The following KLHDC10 variants were observed in gnomAD, a reference collection of about 807,000 sequenced individuals.
KLHDC10 encodes the protein kelch domain-containing protein 10.
In KLHDC10, 24 loss-of-function variants were observed where a neutral mutation model predicts 56.1. The ratio of observed to expected loss-of-function variants is 0.43; its 90% CI spans 0.31 to 0.60. The LOEUF is 0.60. KLHDC10 is among the 20% of genes least tolerant of loss of function. The probability of loss-of-function intolerance (pLI) is 0.11; values close to 1 mark genes in which losing one functional copy is unlikely to be tolerated. For missense variants in KLHDC10, 349 were observed against 567.0 expected, an observed-to-expected ratio of 0.62 and a Z score of 3.91; for synonymous variants, 188 against 207.1, an observed-to-expected ratio of 0.91 and a Z score of 0.79.
chr7:130,101,015 A>C (rs12539493), intron 2 of KLHDC10, among the ~76,000 whole-genome samples: 101 of 144,660 alleles, frequency 7.0e-4, no homozygotes, highest in Middle Eastern at 3.5e-3. Flanking sequence ...AAAAAACAAA[A>C]AAAACAGAAA....
rs543217315 is a variant in KLHDC10 at position 130,131,616 on chromosome 7, T to G, written c.*870T>G. On this transcript the variant is annotated 3_prime_UTR_variant, in exon 10 of 10. Coordinates refer to ENST00000335420, the MANE Select transcript of KLHDC10 (RefSeq NM_014997.4). ...ATCTCTTTGACTTCTTCATGGGGAA[T>G]TGTAGACCCTAAGTATGTGGTGTAA... The G allele has an allele frequency of 6.6e-6, 1 of 152,348 alleles. No individual in the cohort carries two copies. The highest frequency in any genetic ancestry group is 2.1e-4 in the South Asian group (1 of 4,826). The allele number at this position is 152,348 out of a possible 1,614,324, so 9.4% of individuals were successfully genotyped here.
intron 1 of KLHDC10, among the ~76,000 whole-genome samples, chr7:130,077,980 A>C: frequency 6.6e-6 from 1 of 152,292 alleles, no homozygotes; most frequent in Middle Eastern, 3.4e-3. Flanking sequence ...ATAGTTTCCC[A>C]GTTGTTTTTC....
At position 130,122,094 on chromosome 7, in the gene KLHDC10, G is replaced by A; in HGVS notation, c.671G>A (p.Gly224Asp). Residue 224 changes from glycine to aspartate, a missense_variant, in exon 5 of 10, where the codon GGT becomes GAT. Gly to Asp is a moderately conservative substitution (Grantham distance 94, BLOSUM62 -1). Transcript: ENST00000335420. Reference protein sequence around the residue: ...IINGSLYVFGGTTGYIYSTDL... With the variant: ...IINGSLYVFGDTTGYIYSTDL... Reference sequence around the variant, plus strand: ...AATGGCTCCCTTTATGTCTTTGGAGGTACAACCGGCTATATTTACAGCACA... The same window carrying A: ...AATGGCTCCCTTTATGTCTTTGGAGATACAACCGGCTATATTTACAGCACA... The A allele has an allele frequency of 6.2e-7, 1 of 1,613,828 alleles. No individual in the cohort carries two copies. Among genetic ancestry groups the A allele is most frequent in the Non-Finnish European group, 8.5e-7 (1 of 1,179,884 alleles).
In KLHDC10 at chr7:130,135,145, T is replaced by C. The variant is rs2116934840; in HGVS notation, c.*4399T>C. On this transcript the variant is annotated 3_prime_UTR_variant, in exon 10 of 10. Coordinates refer to ENST00000335420, the MANE Select transcript of KLHDC10 (RefSeq NM_014997.4). ...TTATAAGTTTTTTAAGGGCCCTGCT[T>C]AGTCAGTGTACAGGGTGGAGTCAGA... The C allele has an allele frequency of 6.6e-6, 1 of 150,404 alleles. No homozygotes were observed. Among genetic ancestry groups the C allele is most frequent in the East Asian group, 1.9e-4 (1 of 5,154 alleles). 9.3% of individuals were successfully genotyped at this position (150,404 alleles called of 1,614,324 possible).
At chr7:130,123,612 CA>C (rs1241557900) in intron 5 of KLHDC10, among the ~76,000 whole-genome samples, 1 of 151,868 alleles carries the variant, frequency 6.6e-6, no homozygotes, top group Non-Finnish European at 1.5e-5. Flanking sequence ...CCTCTTTAAA[CA>C]AAATAGCATA....
chr7:130,087,587 C>G (rs994919873), intron 1 of KLHDC10, among the ~76,000 whole-genome samples: 1 of 151,964 alleles, frequency 6.6e-6, no homozygotes, highest in African/African-American at 2.4e-5. Flanking sequence ...AGTTTTTTCC[C>G]TTTTTACCCA....
chr7:130,091,079 A>G (rs1281622230), intron 1 of KLHDC10, among the ~76,000 whole-genome samples: 1 of 152,028 alleles, frequency 6.6e-6, no homozygotes, highest in African/African-American at 2.4e-5. Context: ...TTAACCATTC[A>G]TTTCGCTGAA....
intron 1 of KLHDC10, 26 bp downstream of exon 1, chr7:130,070,835 C>T (rs763835083): frequency 9.3e-6 from 12 of 1,295,456 alleles, no homozygotes; most frequent in Non-Finnish European, 1.2e-5. Flanking sequence ...GGGTCCTGAC[C>T]GCTTGCGGGC....
rs151326090 is a variant in KLHDC10, at chr7:130,085,073, C to T, written c.167-11848C>T. On this transcript the variant is annotated intron_variant, in intron 1 of 9. Coordinates refer to ENST00000335420, the MANE Select transcript of KLHDC10 (RefSeq NM_014997.4). Reference sequence around the variant, plus strand: ...ACCAAAGAATATCTTTAGCCAGGTGCGGTGGCTCATGCCTGTAATCCCAGC... The same window carrying T: ...ACCAAAGAATATCTTTAGCCAGGTGTGGTGGCTCATGCCTGTAATCCCAGC... Among the ~76,000 whole-genome samples the T allele has an allele frequency of 1.6e-3, 236 of 152,086 alleles. 5 individuals are homozygous for T. In the East Asian group the frequency reaches 0.042, roughly 27 times the overall value.
intron 6 of KLHDC10, 65 bp downstream of exon 6, chr7:130,124,600 A>G: frequency 1.2e-6 from 1 of 817,988 alleles, no homozygotes; most frequent in Non-Finnish European, 2.1e-6. Context: ...GCGTCAACCA[A>G]GCAAGATAAT....
At chr7:130,101,969 T>TAAA (rs10579051) in intron 2 of KLHDC10, among the ~76,000 whole-genome samples, 9 of 73,716 alleles carry the variant, frequency 1.2e-4, no homozygotes, top group Admixed American at 1.9e-4. Flanking sequence ...GACTCCCTCT[T>TAAA]AAAAAAAAAA....
intron 1 of KLHDC10, among the ~76,000 whole-genome samples, chr7:130,078,248 C>G (rs1795544464): frequency 6.6e-6 from 1 of 151,784 alleles, no homozygotes; most frequent in African/African-American, 2.4e-5. Context: ...GTAGTGCATG[C>G]CTATAGTCCC....
chr7:130,083,927 C>T (rs1412755165), intron 1 of KLHDC10, among the ~76,000 whole-genome samples: 1 of 152,166 alleles, frequency 6.6e-6, no homozygotes, highest in Non-Finnish European at 1.5e-5. Flanking sequence ...TCAACTCTTT[C>T]CCTTCTACCA....
At chr7:130,080,251 T>A (rs1352494297) in intron 1 of KLHDC10, among the ~76,000 whole-genome samples, 2 of 152,088 alleles carry the variant, frequency 1.3e-5, no homozygotes, top group African/African-American at 4.8e-5. Context: ...CCTTCCTTTC[T>A]TTTTCTATGC....
intron 2 of KLHDC10, among the ~76,000 whole-genome samples, chr7:130,114,992 G>A (rs774712515): frequency 1.3e-5 from 2 of 152,198 alleles, no homozygotes; most frequent in Non-Finnish European, 2.9e-5. Context: ...TTTCAAACAC[G>A]ACTAACAGGT....
chr7:130,092,907 G>A lies in KLHDC10; in HGVS notation c.167-4014G>A, dbSNP rs74899145. On this transcript the variant is annotated intron_variant, in intron 1 of 9. Transcript: ENST00000335420. Reference sequence around the variant, plus strand: ...CTCTGCTCTTGGTGTGTAGGACTGTGGTGTCTTCTTTAGTCCGATTCTATC... The same window carrying A: ...CTCTGCTCTTGGTGTGTAGGACTGTAGTGTCTTCTTTAGTCCGATTCTATC... 3.4e-4 allele frequency among the ~76,000 whole-genome samples: 51 copies of A among 151,898 alleles called. No homozygotes were observed. In the East Asian group the frequency reaches 9.7e-3, roughly 29 times the overall value.
intron 2 of KLHDC10, among the ~76,000 whole-genome samples, chr7:130,114,791 C>G (rs1796145002): frequency 6.6e-6 from 1 of 151,856 alleles, no homozygotes; most frequent in African/African-American, 2.4e-5. Context: ...GTGCACTAGA[C>G]TTAGGTATTT....
Position 130,130,043 on chromosome 7 carries a change from G to T in KLHDC10, c.1119+467G>T, listed in dbSNP as rs1041717974. Among the ~76,000 whole-genome samples the T allele has an allele frequency of 2.6e-5, 4 of 152,052 alleles. No individual in the cohort carries two copies. Among genetic ancestry groups the T allele is most frequent in the African/African-American group, 9.7e-5 (4 of 41,408 alleles). ...AAAAATTCATATATATAGGCCGGGC[G>T]CGGTGGCTCAGGCCTGTAATCCCAG... On this transcript the variant is annotated intron_variant, in intron 9 of 9. Coordinates refer to ENST00000335420, the MANE Select transcript of KLHDC10 (RefSeq NM_014997.4). This position sits in a 1 kb window ranked among gnomAD's most constrained non-coding sequence, Gnocchi z 4.2.
At chr7:130,095,649 A>G (rs549751341) in intron 1 of KLHDC10, among the ~76,000 whole-genome samples, 39 of 152,322 alleles carry the variant, frequency 2.6e-4, no homozygotes, top group Middle Eastern at 6.8e-3. Context: ...TTCATTATAC[A>G]GAATCTGTAT....
Sources: gnomAD v4.1 joint callset for allele counts (sites outside exome capture counted in the v4.1 genomes callset) on GRCh38, gnomAD v4.1.1 for gene constraint, Gnocchi (gnomAD v3.1) non-coding constraint, MANE v1.5 for transcripts, NCBI Gene and HGNC (gene_info 2026-07-23, HGNC 2026-07-21) for gene names.